FGF14: variants seen among roughly 807,000 people sequenced by gnomAD.
The protein encoded by FGF14 is fibroblast growth factor homologous factor 4.
Under a neutral mutation model 25.5 loss-of-function variants are expected in FGF14, and 5 were observed. That is an observed-to-expected ratio of 0.20 (90% CI 0.10 to 0.41). The LOEUF (loss-of-function observed/expected upper bound fraction) is 0.41, where lower values mean the gene tolerates loss of function less well. FGF14 is among the 10% of genes least tolerant of loss of function. The probability of loss-of-function intolerance (pLI) is 1.00; values close to 1 mark genes in which losing one functional copy is unlikely to be tolerated. For synonymous variants in FGF14, 138 were observed against 118.3 expected, an observed-to-expected ratio of 1.17 and a Z score of -1.08; for missense variants, 222 against 320.1, an observed-to-expected ratio of 0.69 and a Z score of 2.34.
intron 1 of FGF14, among the ~76,000 whole-genome samples, chr13:101,898,247 C>A (rs2031005157): frequency 6.6e-6 from 1 of 151,434 alleles, no homozygotes; most frequent in Admixed American, 6.6e-5. Flanking sequence ...TGCAAATATT[C>A]AAAAATATTT....
Position 102,013,930 on chromosome 13 carries a change from G to A in FGF14, c.209-138634C>T, listed in dbSNP as rs141920215. ...TAGAGCAGACGTCTTCCAATAGAAA[G>A]AGCACAAAGGAGGTCAAATGCTAAT... On this transcript the variant is annotated intron_variant, in intron 1 of 4. Transcript: ENST00000376131. Among the ~76,000 whole-genome samples the A allele has an allele frequency of 3.3e-5, 5 of 152,288 alleles. No homozygotes were observed. The South Asian group carries it at 1.0e-3, about 32-fold the overall frequency.
chr13:101,734,351 A>G (rs1236901839), intron 3 of FGF14, among the ~76,000 whole-genome samples: 3 of 152,208 alleles, frequency 2.0e-5, no homozygotes, highest in Non-Finnish European at 2.9e-5. Context: ...AAGAAAATAG[A>G]AACAAAAATC....
At chr13:101,773,261 C>A (rs958830013) in intron 3 of FGF14, among the ~76,000 whole-genome samples, 1 of 152,168 alleles carries the variant, frequency 6.6e-6, no homozygotes, top group Non-Finnish European at 1.5e-5. Flanking sequence ...CTCAGAAATT[C>A]TCCAGCCTGA....
chr13:102,321,787 T>C (rs907469671), intron 1 of FGF14, among the ~76,000 whole-genome samples: 4 of 152,220 alleles, frequency 2.6e-5, no homozygotes, highest in Admixed American at 6.5e-5. Context: ...TCTCAGTAGT[T>C]TGGATTCCAT....
At chr13:102,015,258 CTAGA>C (rs1298638573) in intron 1 of FGF14, among the ~76,000 whole-genome samples, 1 of 152,162 alleles carries the variant, frequency 6.6e-6, no homozygotes, top group African/African-American at 2.4e-5. Flanking sequence ...GTTTACATTT[CTAGA>C]TACTTTTATT....
intron 1 of FGF14, among the ~76,000 whole-genome samples, chr13:102,296,106 C>T (rs1357840523): frequency 3.9e-5 from 3 of 76,560 alleles, no homozygotes; most frequent in African/African-American, 2.5e-4. Context: ...TATTTCAACT[C>T]TACAATTAAA....
intron 1 of FGF14, among the ~76,000 whole-genome samples, chr13:101,990,450 A>C (rs1371363374): frequency 6.6e-6 from 1 of 150,958 alleles, no homozygotes; most frequent in African/African-American, 2.5e-5. Flanking sequence ...TCCTTTTTTT[A>C]TGTTTACTCA....
chr13:101,723,264 G>C (rs1163597844), intron 4 of FGF14, among the ~76,000 whole-genome samples: 1 of 92,522 alleles, frequency 1.1e-5, no homozygotes, highest in African/African-American at 4.0e-5. Flanking sequence ...GGTCCATGAT[G>C]TAAAACACAC....
intron 3 of FGF14, among the ~76,000 whole-genome samples, chr13:101,776,922 G>C (rs2039148998): frequency 6.6e-6 from 1 of 152,130 alleles, no homozygotes; most frequent in Non-Finnish European, 1.5e-5. Flanking sequence ...GTCTTCACAG[G>C]GTGGAAAGGG....
At chr13:102,157,568 T>G (rs1399317994) in intron 1 of FGF14, among the ~76,000 whole-genome samples, 1 of 152,144 alleles carries the variant, frequency 6.6e-6, no homozygotes, top group Non-Finnish European at 1.5e-5. Flanking sequence ...GAAGAAAACC[T>G]AGGCAATACC....
At chr13:102,402,357 T>C (rs2058716328), upstream of FGF14, 1 of 152,318 alleles carries the variant, frequency 6.6e-6, no homozygotes, top group African/African-American at 2.4e-5. Flanking sequence ...CTCTTCCAGT[T>C]TCCAACAACC....
intron 1 of FGF14, among the ~76,000 whole-genome samples, chr13:102,357,365 C>T (rs2057448517): frequency 1.3e-5 from 2 of 152,174 alleles, no homozygotes; most frequent in East Asian, 3.9e-4. Context: ...TGTGCGAGGG[C>T]ACTGACAATA....
chr13:101,922,910 T>C (rs1355617609), intron 1 of FGF14, among the ~76,000 whole-genome samples: 1 of 152,006 alleles, frequency 6.6e-6, no homozygotes, highest in Non-Finnish European at 1.5e-5. Flanking sequence ...TATATTAAAT[T>C]CTATCATGTT....
chr13:102,284,129 C>A (rs1365088793), intron 1 of FGF14, among the ~76,000 whole-genome samples: 1 of 152,128 alleles, frequency 6.6e-6, no homozygotes, highest in Non-Finnish European at 1.5e-5. Flanking sequence ...TGCTTTTTCC[C>A]CCGCAAGAGA....
chr13:102,154,779 A>G (rs2047248289), intron 1 of FGF14, among the ~76,000 whole-genome samples: 1 of 152,060 alleles, frequency 6.6e-6, no homozygotes, highest in South Asian at 2.1e-4. Flanking sequence ...TCCATCTCAC[A>G]TGCAGACACG....
At chr13:101,833,626 C>G (rs1391506273) in intron 3 of FGF14, among the ~76,000 whole-genome samples, 1 of 151,852 alleles carries the variant, frequency 6.6e-6, no homozygotes, top group Admixed American at 6.6e-5. Context: ...TATATACAGA[C>G]AGATAGGTGT....
intron 1 of FGF14, among the ~76,000 whole-genome samples, chr13:102,263,449 A>C (rs2052822140): frequency 6.6e-6 from 1 of 152,186 alleles, no homozygotes; most frequent in African/African-American, 2.4e-5. Flanking sequence ...CATTCCTTAA[A>C]CACATGAAAG....
intron 3 of FGF14, among the ~76,000 whole-genome samples, chr13:101,857,448 C>T (rs930147001): frequency 6.6e-6 from 1 of 151,920 alleles, no homozygotes; most frequent in African/African-American, 2.4e-5. Context: ...AATCTTAAAA[C>T]CAAGGTCTAA....
At chr13:101,781,461 G>C (rs1160017741) in intron 3 of FGF14, among the ~76,000 whole-genome samples, 1 of 152,154 alleles carries the variant, frequency 6.6e-6, no homozygotes, top group Non-Finnish European at 1.5e-5. Flanking sequence ...TCGAATAGTA[G>C]ACTTTCAATT....
Sources: allele counts gnomAD v4.1 joint callset (sites outside exome capture counted in the v4.1 genomes callset), GRCh38; gene constraint gnomAD v4.1.1; transcripts MANE v1.5; gene names NCBI Gene and HGNC (gene_info 2026-07-23, HGNC 2026-07-21).